TMTC1: variants seen among roughly 807,000 people sequenced by gnomAD.
TMTC1 encodes the protein transmembrane O-mannosyltransferase targeting cadherins 1.
In TMTC1, 73 loss-of-function variants were observed where a neutral mutation model predicts 104.8. The ratio of observed to expected loss-of-function variants is 0.70; its 90% CI spans 0.58 to 0.85. TMTC1 has a LOEUF of 0.85. Ranked by LOEUF, TMTC1 falls within the 40% of genes least tolerant of loss-of-function variation. The pLI is 0.00. For missense variants in TMTC1, 1,035 were observed against 1,096.1 expected (o/e 0.94, Z 0.79); for synonymous variants, 434 against 428.7 (o/e 1.01, Z -0.15).
intron 5 of TMTC1, among the ~76,000 whole-genome samples, chr12:29,666,015 C>T (rs1940262303): frequency 6.6e-6 from 1 of 152,020 alleles, no homozygotes; most frequent in African/African-American, 2.4e-5. Flanking sequence ...GAGTTAAGCC[C>T]CAACTCTCTC....
chr12:29,576,704 A>G lies in TMTC1; in HGVS notation c.1419-4486T>C, dbSNP rs564587230. ...GTAGATGACTAAGTCTAGAGATCCC[A>G]TCTACAAAAAGAGGGCTATAGCTAA... On this transcript the variant is annotated intron_variant, in intron 8 of 17. Coordinates refer to ENST00000539277, the MANE Select transcript of TMTC1 (RefSeq NM_001193451.2). Among the ~76,000 whole-genome samples the G allele has an allele frequency of 1.2e-4, 18 of 152,288 alleles. 2 individuals carry two copies. The highest frequency in any genetic ancestry group is 4.3e-4 in the African/African-American group (18 of 41,574).
chr12:29,543,747 G>A (rs1166581917), intron 10 of TMTC1, among the ~76,000 whole-genome samples: 3 of 152,064 alleles, frequency 2.0e-5, no homozygotes, highest in Non-Finnish European at 4.4e-5. Context: ...TATCTTTCCT[G>A]TACAGAAAGA....
chr12:29,690,330 A>G (rs1396649966), intron 5 of TMTC1, among the ~76,000 whole-genome samples: 1 of 152,238 alleles, frequency 6.6e-6, no homozygotes, highest in Non-Finnish European at 1.5e-5. Context: ...ATCTGAAAAC[A>G]GGCTAAACCA....
chr12:29,772,501 A>T (rs1943616942), intron 1 of TMTC1, among the ~76,000 whole-genome samples: 1 of 152,210 alleles, frequency 6.6e-6, no homozygotes, highest in African/African-American at 2.4e-5. Context: ...GAATATTCCC[A>T]TGTACCTGAA....
chr12:29,558,913 TTG>T (rs767768863), intron 9 of TMTC1, among the ~76,000 whole-genome samples: 1 of 152,156 alleles, frequency 6.6e-6, no homozygotes, highest in Non-Finnish European at 1.5e-5. Flanking sequence ...CCCGCAAAGC[TTG>T]TGTCTAAGAA....
intron 5 of TMTC1, among the ~76,000 whole-genome samples, chr12:29,654,987 G>A (rs1242644470): frequency 2.0e-5 from 3 of 152,228 alleles, no homozygotes; most frequent in Middle Eastern, 3.4e-3. Context: ...AGGTTCAAGC[G>A]ATTCTCCTGC....
Position 29,775,984 on chromosome 12 carries a change from T to A in TMTC1, c.302+7466A>T, listed in dbSNP as rs141287308. On this transcript the variant is annotated intron_variant, in intron 1 of 17. Coordinates refer to ENST00000539277, the MANE Select transcript of TMTC1 (RefSeq NM_001193451.2). The stretch of plus-strand genomic sequence containing the variant: ...GGGATCAGAAGTTTCCTCCCAAGAA[T>A]CCAGCACGAAGACCAGAAAAAAATC... 3.7e-4 allele frequency among the ~76,000 whole-genome samples: 57 copies of A among 152,122 alleles called. 1 individual carries two copies. The East Asian group carries it at 0.01, about 27-fold the overall frequency.
chr12:29,553,447 C>T (rs1400030981), intron 10 of TMTC1, among the ~76,000 whole-genome samples: 1 of 152,162 alleles, frequency 6.6e-6, no homozygotes, highest in Non-Finnish European at 1.5e-5. Flanking sequence ...GATACAGCCA[C>T]TTGGCTCTAT....
At chr12:29,601,399 T>A (rs1032114657) in intron 7 of TMTC1, among the ~76,000 whole-genome samples, 1 of 152,216 alleles carries the variant, frequency 6.6e-6, no homozygotes, top group African/African-American at 2.4e-5. Flanking sequence ...CAAATTATTC[T>A]CCTGTATCTA....
intron 5 of TMTC1, among the ~76,000 whole-genome samples, chr12:29,723,005 C>T (rs929930392): frequency 6.7e-6 from 1 of 149,584 alleles, no homozygotes; most frequent in Non-Finnish European, 1.5e-5. Context: ...AATTAAGACA[C>T]AAAAATCAAT....
At position 29,528,201 on chromosome 12, in the gene TMTC1, A is replaced by G. The variant is rs139316623; in HGVS notation, c.1786-7481T>C. 2.0e-3 allele frequency among the ~76,000 whole-genome samples: 305 copies of G among 152,308 alleles called. 2 individuals carry two copies. In the East Asian group the frequency reaches 0.048, roughly 24 times the overall value. On this transcript the variant is annotated intron_variant, in intron 11 of 17. Transcript: ENST00000539277. ...CGAGCACTCATTTTCATTTAATTCA[A>G]CTGGCTACAAGTCCTGACCTAAGCC...
chr12:29,710,073 A>G (rs1447325938), intron 5 of TMTC1, among the ~76,000 whole-genome samples: 2 of 82,106 alleles, frequency 2.4e-5, no homozygotes, highest in Non-Finnish European at 7.2e-5. Context: ...ACTCACTGGT[A>G]ATGGGTCTCT....
intron 10 of TMTC1, among the ~76,000 whole-genome samples, chr12:29,536,594 A>G (rs1944651724): frequency 6.6e-6 from 1 of 152,174 alleles, no homozygotes; most frequent in Non-Finnish European, 1.5e-5. Flanking sequence ...TTCGAGAGTT[A>G]TATTCAATAT....
chr12:29,783,874 G>T lies in TMTC1; in HGVS notation c.-123C>A. The T allele has an allele frequency of 1.0e-6, 1 of 959,474 alleles. No homozygotes were observed. Among genetic ancestry groups the T allele is most frequent in the African/African-American group, 1.7e-5 (1 of 57,274 alleles). The allele number at this position is 959,474 out of a possible 1,614,324, so 59.4% of individuals were successfully genotyped here. ...GCTCGGGCATGGTGCTGCGGCAGCT[G>T]GACCCGCCGCGAGCTCCCCGCGCTC... On this transcript the variant is annotated 5_prime_UTR_variant, in exon 1 of 18. Transcript: ENST00000539277. This position sits in a 1 kb window ranked among gnomAD's most constrained non-coding sequence, Gnocchi z 4.7.
intron 6 of TMTC1, among the ~76,000 whole-genome samples, chr12:29,620,890 A>G (rs1937640625): frequency 6.6e-6 from 1 of 152,224 alleles, no homozygotes; most frequent in Non-Finnish European, 1.5e-5. Flanking sequence ...ACAGAACAGC[A>G]TCTCATACAA....
intron 4 of TMTC1, among the ~76,000 whole-genome samples, chr12:29,754,408 A>G (rs1344557509): frequency 6.6e-6 from 1 of 152,212 alleles, no homozygotes; most frequent in Non-Finnish European, 1.5e-5. Flanking sequence ...GACTTTCATG[A>G]CAACATTAAA....
chr12:29,585,953 G>T (rs1002568830), intron 7 of TMTC1, among the ~76,000 whole-genome samples: 38 of 151,762 alleles, frequency 2.5e-4, no homozygotes, highest in African/African-American at 8.3e-4. Context: ...AACTTTAAAG[G>T]AGTTTTTTCC....
intron 7 of TMTC1, among the ~76,000 whole-genome samples, chr12:29,596,433 T>G (rs181091630): frequency 6.6e-6 from 1 of 152,236 alleles, no homozygotes; most frequent in Non-Finnish European, 1.5e-5. Context: ...TGTTCCCTAG[T>G]GTAAAAATGC....
intron 11 of TMTC1, chr12:29,536,008 T>C (rs1237959559): frequency 3.6e-6 from 2 of 553,238 alleles, no homozygotes; most frequent in Non-Finnish European, 6.3e-6. Context: ...CGGACCATCT[T>C]TGTCTAAAAG....
Sources: gnomAD v4.1 joint callset for allele counts (sites outside exome capture counted in the v4.1 genomes callset) on GRCh38, gnomAD v4.1.1 for gene constraint, Gnocchi (gnomAD v3.1) non-coding constraint, MANE v1.5 for transcripts, NCBI Gene and HGNC (gene_info 2026-07-23, HGNC 2026-07-21) for gene names.